Variants in URI1 observed in about 807,000 individuals in gnomAD.
URI1 encodes the protein unconventional prefoldin RPB5 interactor 1.
In URI1, 39 loss-of-function variants were observed where a neutral mutation model predicts 60.2. That is an observed-to-expected ratio of 0.65 (90% confidence interval 0.50 to 0.85). The LOEUF (loss-of-function observed/expected upper bound fraction) is 0.85. Ranked by LOEUF, URI1 falls within the 40% of genes least tolerant of loss-of-function variation. The probability of loss-of-function intolerance (pLI) is 0.00; values close to 1 mark genes in which losing one functional copy is unlikely to be tolerated. For synonymous variants in URI1, 251 were observed against 236.8 expected, an observed-to-expected ratio of 1.06 and a Z score of -0.55; for missense variants, 691 against 665.9, an observed-to-expected ratio of 1.04 and a Z score of -0.42.
chr19:29,973,164 C>T (rs1357704011), intron 2 of URI1, among the ~76,000 whole-genome samples: 4 of 152,106 alleles, frequency 2.6e-5, no homozygotes, highest in African/African-American at 9.7e-5. Context: ...GATATTTTTG[C>T]ATTCTCTTAA....
At chr19:29,961,675 G>GTTTTTTTTTTTTTTTTTTT (rs200425572) in intron 1 of URI1, among the ~76,000 whole-genome samples, 3 of 117,618 alleles carry the variant, frequency 2.6e-5, no homozygotes, top group Non-Finnish European at 1.8e-5. Context: ...TTTTTTTTTT[G>GTTTTTTTTTTTTTTTTTTT]TTTTTTTTTT....
At chr19:29,966,787 A>G (rs1183484312) in intron 1 of URI1, among the ~76,000 whole-genome samples, 2 of 152,342 alleles carry the variant, frequency 1.3e-5, no homozygotes, top group African/African-American at 4.8e-5. Context: ...TCTTGAAGCC[A>G]CAGTCTAGCA....
chr19:29,951,633 G>A (rs754522530), intron 1 of URI1, among the ~76,000 whole-genome samples: 3 of 150,982 alleles, frequency 2.0e-5, no homozygotes, highest in Non-Finnish European at 2.9e-5. Flanking sequence ...TGCAACCTCC[G>A]CCTCCTGGGT....
chr19:29,971,288 C>T, intron 2 of URI1, 61 bp downstream of exon 2: 3 of 1,542,476 alleles, frequency 1.9e-6, no homozygotes, highest in Admixed American at 1.7e-5. Context: ...TACTTGTGTT[C>T]AAATAATGTG....
intron 1 of URI1, chr19:29,925,659 G>C (rs2054858860): frequency 6.6e-6 from 1 of 152,222 alleles, no homozygotes; most frequent in South Asian, 2.1e-4. Context: ...AAACAGGATG[G>C]CTTCGTGGGC....
At chr19:29,932,932 T>G (rs2054935390) in intron 1 of URI1, among the ~76,000 whole-genome samples, 1 of 152,096 alleles carries the variant, frequency 6.6e-6, no homozygotes. Flanking sequence ...GGATTACAGG[T>G]GTGAGCCACC....
intron 1 of URI1, among the ~76,000 whole-genome samples, chr19:29,954,783 G>A (rs890697682): frequency 2.6e-5 from 4 of 151,964 alleles, no homozygotes; most frequent in Non-Finnish European, 5.9e-5. Context: ...CTCCCAAAGT[G>A]CTAGGATTAC....
At chr19:29,955,608 G>A (rs1197694905) in intron 1 of URI1, among the ~76,000 whole-genome samples, 1 of 152,012 alleles carries the variant, frequency 6.6e-6, no homozygotes, top group African/African-American at 2.4e-5. Flanking sequence ...CCTTGAATTG[G>A]CTGTTTCCTG....
chr19:30,004,303 C>T (rs140373578), intron 4 of URI1: 25 of 152,110 alleles, frequency 1.6e-4, no homozygotes, highest in Middle Eastern at 3.4e-3. Flanking sequence ...CATTGCATAG[C>T]ATGAGAGCCG....
intron 4 of URI1, among the ~76,000 whole-genome samples, chr19:30,002,819 T>G (rs963503484): frequency 1.3e-5 from 2 of 152,018 alleles, no homozygotes; most frequent in Non-Finnish European, 2.9e-5. Flanking sequence ...TTAAAATGAA[T>G]ACAGATATTG....
chr19:29,969,703 T>C (rs996435761), intron 1 of URI1, among the ~76,000 whole-genome samples: 4 of 152,222 alleles, frequency 2.6e-5, no homozygotes, highest in Non-Finnish European at 4.4e-5. Context: ...TTCTTGGGTC[T>C]CATCTTTTAA....
chr19:29,942,705 G>C, intron 1 of URI1, 41 bp downstream of exon 1: 1 of 1,360,468 alleles, frequency 7.4e-7, no homozygotes, highest in South Asian at 1.8e-5. Context: ...CCGCCCGCCG[G>C]GCTGCCCCTG....
chr19:29,923,889 C>A, intron 1 of URI1: 1 of 883,392 alleles, frequency 1.1e-6, no homozygotes, highest in Admixed American at 2.4e-5. Flanking sequence ...TAGCTATAGA[C>A]CTGGAAGAGG....
chr19:29,955,334 G>A (rs2055232051), intron 1 of URI1, among the ~76,000 whole-genome samples: 1 of 152,050 alleles, frequency 6.6e-6, no homozygotes, highest in Non-Finnish European at 1.5e-5. Flanking sequence ...ATATCTTATT[G>A]ATGGGCATTT....
chr19:29,992,317 AC>A (rs933737862), intron 4 of URI1, among the ~76,000 whole-genome samples: 5 of 152,054 alleles, frequency 3.3e-5, no homozygotes, highest in African/African-American at 9.7e-5. Context: ...TGATCTGCCT[AC>A]CTTGGCCTCC....
In URI1 at chr19:30,015,421, T is replaced by G; in HGVS notation, c.*352T>G. On this transcript the variant is annotated 3_prime_UTR_variant, in exon 11 of 11. Coordinates refer to ENST00000392271, the MANE Select transcript of URI1 (RefSeq NM_003796.3). ...CAGTTTTGTGCCAGCTGTGATATTG[T>G]GCATACCATATGGACCATTTTAAAG... 6.8e-7 allele frequency: 1 copy of G among 1,481,056 alleles called. No individual in the cohort carries two copies. The allele number at this position is 1,481,056 out of a possible 1,614,324, so 91.7% of individuals were successfully genotyped here.
At chr19:29,954,861 T>C (rs1345960851) in intron 1 of URI1, among the ~76,000 whole-genome samples, 6 of 151,988 alleles carry the variant, frequency 3.9e-5, no homozygotes, top group Non-Finnish European at 7.4e-5. Flanking sequence ...CTTCCTCTGT[T>C]TCTTCTTCAA....
At chr19:29,932,326 T>C (rs79141225) in intron 1 of URI1, among the ~76,000 whole-genome samples, 16,087 of 152,072 alleles carry the variant, frequency 0.11, 1,321 homozygotes, top group East Asian at 0.22. Flanking sequence ...ATGATTATTA[T>C]TATTATTTGA....
At position 29,992,574 on chromosome 19, in the gene URI1, T is replaced by C. The variant is rs746917175; in HGVS notation, c.367+6157T>C. On this transcript the variant is annotated intron_variant, in intron 4 of 10. Coordinates refer to ENST00000392271, the MANE Select transcript of URI1 (RefSeq NM_003796.3). ...TAATATTTTTAGTATCTTATTACTCTGTTGTTGCTGAAATAGGAACTTCTT... is the reference window on the plus strand; with the variant it reads ...TAATATTTTTAGTATCTTATTACTCCGTTGTTGCTGAAATAGGAACTTCTT... Among the ~76,000 whole-genome samples the C allele has an allele frequency of 3.9e-5, 6 of 152,366 alleles. No homozygotes were observed. In the East Asian group the frequency reaches 5.8e-4, roughly 15 times the overall value.
Sources: gnomAD v4.1 joint callset for allele counts (sites outside exome capture counted in the v4.1 genomes callset) on GRCh38, gnomAD v4.1.1 for gene constraint, MANE v1.5 for transcripts, NCBI Gene and HGNC (gene_info 2026-07-23, HGNC 2026-07-21) for gene names.